Variants in DLEC1 observed in about 807,000 individuals in gnomAD.
DLEC1 encodes DLEC1 cilia and flagella associated protein.
In DLEC1, 146 loss-of-function variants were observed where a neutral mutation model predicts 198.1. The observed-to-expected ratio is 0.74, with a 90% CI of 0.64 to 0.85. DLEC1 has a LOEUF of 0.85. Ranked by LOEUF, DLEC1 falls within the 40% of genes least tolerant of loss-of-function variation. The probability of loss-of-function intolerance (pLI) is 0.00; values close to 1 mark genes in which losing one functional copy is unlikely to be tolerated. For synonymous variants in DLEC1, 897 were observed against 866.8 expected, an observed-to-expected ratio of 1.03 and a Z score of -0.61; for missense variants, 2,233 against 2,220.0, an observed-to-expected ratio of 1.01 and a Z score of -0.12.
chr3:38,076,720 T>A (rs1439573489), intron 6 of DLEC1, among the ~76,000 whole-genome samples: 1 of 152,206 alleles, frequency 6.6e-6, no homozygotes, highest in Non-Finnish European at 1.5e-5. Flanking sequence ...ATGTCTTGGC[T>A]TGGGCTCAGA....
At position 38,116,532 on chromosome 3, in the gene DLEC1, A is replaced by T. The variant is rs775890918; in HGVS notation, c.3936A>T (p.Pro1312=). The change falls in exon 28 of 37, where the codon CCA becomes CCT. Residue 1312 remains proline, a synonymous_variant. Coordinates refer to ENST00000308059, the MANE Select transcript of DLEC1 (RefSeq NM_007335.4). ...RLVELLVFYG[P]PFPLRDQAGN... Reference sequence around the variant, plus strand: ...TGGAGCTGCTGGTGTTTTATGGGCCACCTTTCCCGCTGCGGGACCAAGCCG... The same window carrying T: ...TGGAGCTGCTGGTGTTTTATGGGCCTCCTTTCCCGCTGCGGGACCAAGCCG... The T allele has an allele frequency of 1.2e-6, 2 of 1,613,976 alleles. No individual in the cohort carries two copies. The highest frequency in any genetic ancestry group is 4.5e-5 in the East Asian group (2 of 44,866).
At chr3:38,044,487 C>T (rs1052555499) in intron 1 of DLEC1, among the ~76,000 whole-genome samples, 2 of 151,878 alleles carry the variant, frequency 1.3e-5, no homozygotes, top group African/African-American at 4.8e-5. Context: ...CACTTGAACC[C>T]GGGAGGCAGA....
At chr3:38,084,393 GTA>G (rs1698261714) in intron 7 of DLEC1, 148 bp downstream of exon 7, 12 of 614,184 alleles carry the variant, frequency 2.0e-5, no homozygotes, top group East Asian at 1.0e-4. Flanking sequence ...AGTAGTGGTA[GTA>G]GTAGTAGTGG....
At chr3:38,089,308 G>A (rs774221378) in intron 10 of DLEC1, among the ~76,000 whole-genome samples, 6 of 152,162 alleles carry the variant, frequency 3.9e-5, no homozygotes, top group South Asian at 2.1e-4. Flanking sequence ...CCTGGGTGCC[G>A]GACTTCTAAA....
intron 23 of DLEC1, among the ~76,000 whole-genome samples, chr3:38,110,869 C>T (rs1233116184): frequency 6.6e-6 from 1 of 152,026 alleles, no homozygotes; most frequent in African/African-American, 2.4e-5. Context: ...TACACATATA[C>T]ATACACATGC....
intron 2 of DLEC1, among the ~76,000 whole-genome samples, chr3:38,053,439 G>A (rs1171243926): frequency 3.3e-5 from 5 of 149,844 alleles, no homozygotes; most frequent in African/African-American, 1.2e-4. Context: ...CTGCCCGGCC[G>A]CGACCCCGTC....
intron 13 of DLEC1, 60 bp downstream of exon 13, chr3:38,095,131 C>G (rs1698945154): frequency 6.3e-7 from 1 of 1,579,560 alleles, no homozygotes. Context: ...AGACCCCCCA[C>G]CTGTGTTCCT....
chr3:38,053,748 T>C (rs1486877753), intron 2 of DLEC1, among the ~76,000 whole-genome samples: 1 of 152,170 alleles, frequency 6.6e-6, no homozygotes, highest in Non-Finnish European at 1.5e-5. Context: ...TTTTGTTGAA[T>C]GGAAAAGGGG....
chr3:38,109,854 C>T (rs979873609), intron 22 of DLEC1: 1 of 683,194 alleles, frequency 1.5e-6, no homozygotes, highest in East Asian at 2.7e-5. Context: ...ACATGAGGCC[C>T]AGCAACTGGG....
intron 6 of DLEC1, among the ~76,000 whole-genome samples, chr3:38,074,103 C>A (rs1697471755): frequency 6.6e-6 from 1 of 152,138 alleles, no homozygotes; most frequent in Non-Finnish European, 1.5e-5. Context: ...GGCCTAGTGG[C>A]CAGATTTCTG....
intron 6 of DLEC1, among the ~76,000 whole-genome samples, chr3:38,082,005 A>G (rs1698056698): frequency 1.8e-5 from 2 of 113,298 alleles, no homozygotes; most frequent in South Asian, 3.3e-4. Context: ...CAGACGGGGC[A>G]GCTGCCGGGC....
intron 1 of DLEC1, 109 bp from the exon 2 acceptor site, chr3:38,045,434 C>T (rs751864396): frequency 6.6e-5 from 91 of 1,388,258 alleles, no homozygotes; most frequent in Middle Eastern, 1.9e-4. Context: ...AGTTCTCTGA[C>T]TATTCTATGC....
chr3:38,112,193 T>C lies in DLEC1; in HGVS notation c.3515-17T>C, dbSNP rs927651122. On this transcript the variant is annotated splice_polypyrimidine_tract_variant and intron_variant, in intron 24 of 36. Transcript: ENST00000308059. This position sits in a 1 kb window ranked among gnomAD's most constrained non-coding sequence, Gnocchi z 4.8. ...CCCCAGGCCCGTGAATCCCCCACAG[T>C]CGCGGTTCTTTCCCAGATTTTATGG... The C allele has an allele frequency of 6.2e-7, 1 of 1,613,974 alleles. No individual in the cohort carries two copies. The highest frequency in any genetic ancestry group is 1.1e-5 in the South Asian group (1 of 91,070).
chr3:38,095,794 A>G lies in DLEC1; in HGVS notation c.2113-94A>G, dbSNP rs1156820767. On this transcript the variant is annotated intron_variant, in intron 13 of 36. Coordinates refer to ENST00000308059, the MANE Select transcript of DLEC1 (RefSeq NM_007335.4). ...AGAAGGTCCTTCTGATGGCTAGGCTAAGGGGAGGAAGAATTCCTGCCATGC... is the reference window on the plus strand; with the variant it reads ...AGAAGGTCCTTCTGATGGCTAGGCTGAGGGGAGGAAGAATTCCTGCCATGC... 13 of 1,510,420 alleles carry G rather than the reference A, an allele frequency of 8.6e-6. No homozygotes were observed. In the Admixed American group the frequency reaches 1.7e-4, roughly 20 times the overall value. The allele number at this position is 1,510,420 out of a possible 1,614,324, so 93.6% of individuals were successfully genotyped here. A position where few individuals can be genotyped will look rare whatever the true frequency, so the allele number is the denominator to read the frequency against.
At chr3:38,091,205 C>T (rs980797611) in intron 10 of DLEC1, among the ~76,000 whole-genome samples, 12 of 152,152 alleles carry the variant, frequency 7.9e-5, no homozygotes, top group African/African-American at 1.9e-4. Flanking sequence ...GGGCCAGGTG[C>T]GGTGGCTCAG....
At chr3:38,114,853 A>G in intron 26 of DLEC1, 130 bp from the exon 27 acceptor site, 2 of 790,622 alleles carry the variant, frequency 2.5e-6, no homozygotes, top group South Asian at 3.6e-5. Flanking sequence ...CCCAGGTCTC[A>G]TTAATTCTCG....
chr3:38,043,718 G>A (rs1370835158), intron 1 of DLEC1, among the ~76,000 whole-genome samples: 2 of 151,926 alleles, frequency 1.3e-5, no homozygotes. Flanking sequence ...TTTAAGATGG[G>A]GTTTTGCTCC....
Position 38,086,280 on chromosome 3 carries a change from G to A in DLEC1, c.1475G>A (p.Gly492Glu), listed in dbSNP as rs937563326. The A allele has an allele frequency of 4.3e-6, 7 of 1,612,674 alleles. No individual in the cohort carries two copies. The African/African-American group carries it at 6.7e-5, about 15-fold the overall frequency. Residue 492 changes from glycine to glutamate, a missense_variant, in exon 9 of 37, where the codon GGA becomes GAA. Transcript: ENST00000308059. The stretch of plus-strand genomic sequence containing the variant: ...GACTGTGGTTACTGCCTCATTGGGG[G>A]AGTCAAGATGACCAGATTCATCTGC... ...VLDCGYCLIG[G>E]VKMTRFICKN...
At chr3:38,084,579 G>GTGGTGGTAGT (rs147653328) in intron 7 of DLEC1, among the ~76,000 whole-genome samples, 1 of 1,084 alleles carries the variant, frequency 9.2e-4, no homozygotes, top group African/African-American at 3.1e-3. Flanking sequence ...AGTAGTAGTG[G>GTGGTGGTAGT]GGGGGTGGTA....
Sources: allele counts gnomAD v4.1 joint callset (sites outside exome capture counted in the v4.1 genomes callset), GRCh38; gene constraint gnomAD v4.1.1; non-coding constraint Gnocchi (gnomAD v3.1); transcripts MANE v1.5; gene names NCBI Gene and HGNC (gene_info 2026-07-23, HGNC 2026-07-21).